Variants in C10orf90 observed in about 807,000 individuals in gnomAD.
C10orf90 encodes the protein chromosome 10 open reading frame 90.
Under a neutral mutation model 62.5 loss-of-function variants are expected in C10orf90, and 56 were observed. That is an observed-to-expected ratio of 0.90 (90% confidence interval 0.72 to 1.12). The LOEUF (loss-of-function observed/expected upper bound fraction) is 1.12, where lower values mean the gene tolerates loss of function less well. C10orf90 is among the 50% of genes most tolerant of loss of function. C10orf90 has a pLI of 0.00. For missense variants in C10orf90, 970 were observed against 880.4 expected (o/e 1.10, Z -1.29); for synonymous variants, 386 against 340.4 (o/e 1.13, Z -1.47).
At chr10:126,482,528 C>A (rs1426946082) in intron 4 of C10orf90, among the ~76,000 whole-genome samples, 2 of 152,178 alleles carry the variant, frequency 1.3e-5, no homozygotes, top group Non-Finnish European at 2.9e-5. Context: ...CACAGGTGAG[C>A]AGGAAATTAG....
In C10orf90 at chr10:126,663,325, CAGG is replaced by C. The variant is rs369435809; in HGVS notation, c.240+6913_240+6915del. Among the ~76,000 whole-genome samples, 297 of 152,268 alleles carry C rather than the reference CAGG, an allele frequency of 2.0e-3. 2 individuals are homozygous for C. The highest frequency in any genetic ancestry group is 6.2e-3 in the African/African-American group (259 of 41,544). ...CTCCCTGGGTTCTAGCTGTTGTTGTCAGGAGATGTGCTGCCCCCGACCCAGCAC... is the reference window on the plus strand; with the variant it reads ...CTCCCTGGGTTCTAGCTGTTGTTGTCAGATGTGCTGCCCCCGACCCAGCAC... On this transcript the variant is annotated intron_variant, in intron 1 of 9. Coordinates refer to ENST00000488181, the MANE Select transcript of C10orf90 (RefSeq NM_001350921.2).
At chr10:126,532,055 G>A (rs1200650092) in intron 2 of C10orf90, among the ~76,000 whole-genome samples, 1 of 152,186 alleles carries the variant, frequency 6.6e-6, no homozygotes, top group Non-Finnish European at 1.5e-5. Flanking sequence ...AACTTAGGCA[G>A]TTGCCCCCCA....
At chr10:126,567,166 T>C (rs1844410670) in intron 2 of C10orf90, among the ~76,000 whole-genome samples, 2 of 152,206 alleles carry the variant, frequency 1.3e-5, no homozygotes, top group East Asian at 1.9e-4. Context: ...TACATAAGAC[T>C]GGGTAAATTG....
intron 1 of C10orf90, among the ~76,000 whole-genome samples, chr10:126,653,967 A>T (rs1040896155): frequency 1.3e-5 from 2 of 152,122 alleles, no homozygotes; most frequent in African/African-American, 4.8e-5. Flanking sequence ...TTTTGAAAGG[A>T]ATCTTTTTTT....
At chr10:126,448,446 C>T (rs1276818056) in intron 7 of C10orf90, among the ~76,000 whole-genome samples, 1 of 152,000 alleles carries the variant, frequency 6.6e-6, no homozygotes, top group Non-Finnish European at 1.5e-5. Flanking sequence ...CTCAAACAAC[C>T]TACTGCTACA....
At chr10:126,621,147 G>T (rs565454180) in intron 2 of C10orf90, among the ~76,000 whole-genome samples, 1 of 152,206 alleles carries the variant, frequency 6.6e-6, no homozygotes, top group Non-Finnish European at 1.5e-5. Flanking sequence ...GTATATAGTT[G>T]TTTTGCCTCT....
intron 2 of C10orf90, among the ~76,000 whole-genome samples, chr10:126,611,336 C>A (rs1364536373): frequency 6.6e-6 from 1 of 152,150 alleles, no homozygotes; most frequent in Non-Finnish European, 1.5e-5. Flanking sequence ...GACTTCATTC[C>A]TTTTTATTGC....
chr10:126,546,769 A>C (rs2133972917), intron 2 of C10orf90, among the ~76,000 whole-genome samples: 1 of 152,320 alleles, frequency 6.6e-6, no homozygotes, highest in Admixed American at 6.5e-5. Flanking sequence ...AAGCCAATTA[A>C]AATAGAAGAT....
chr10:126,504,867 T>G lies in C10orf90; in HGVS notation c.624A>C (p.Ala208=). The change falls in exon 4 of 10, where the codon GCA becomes GCC. Residue 208 remains alanine, a synonymous_variant. Transcript: ENST00000488181. This position sits in a 1 kb window ranked among gnomAD's most constrained non-coding sequence, Gnocchi z 4.1. ...CCTCAGGTCCTCGCTCATCTGACGG[T>G]GCCGGGATTCCTAATCTGCCCGGAA... ...ALLPGRLGIP[A]PSDERGPEAE... is the part of the protein sequence containing the mutation. 6.2e-7 allele frequency: 1 copy of G among 1,613,552 alleles called. No homozygotes were observed. Among genetic ancestry groups the G allele is most frequent in the Non-Finnish European group, 8.5e-7 (1 of 1,179,626 alleles).
intron 1 of C10orf90, among the ~76,000 whole-genome samples, chr10:126,667,925 C>T (rs1846665183): frequency 6.6e-6 from 1 of 152,114 alleles, no homozygotes. Flanking sequence ...ACCTTCAGCA[C>T]CCCTCACCAC....
intron 7 of C10orf90, among the ~76,000 whole-genome samples, chr10:126,457,100 C>T (rs1038241648): frequency 6.6e-6 from 1 of 152,178 alleles, no homozygotes; most frequent in Admixed American, 6.5e-5. Flanking sequence ...GTGATCCTTG[C>T]ACCTCAGCCT....
At chr10:126,566,753 C>T (rs1448832186) in intron 2 of C10orf90, among the ~76,000 whole-genome samples, 1 of 152,090 alleles carries the variant, frequency 6.6e-6, no homozygotes, top group African/African-American at 2.4e-5. Context: ...AGCACTTTTG[C>T]TTTTGAGTGG....
chr10:126,469,481 G>A (rs1476999890), intron 4 of C10orf90, among the ~76,000 whole-genome samples: 3 of 152,112 alleles, frequency 2.0e-5, no homozygotes, highest in Non-Finnish European at 2.9e-5. Flanking sequence ...TGTTCTGGGC[G>A]GTGACGTTTT....
At chr10:126,439,015 A>G (rs1006005805) in intron 7 of C10orf90, among the ~76,000 whole-genome samples, 7 of 151,968 alleles carry the variant, frequency 4.6e-5, no homozygotes, top group Non-Finnish European at 7.4e-5. Context: ...TACATCGTAC[A>G]CCAATGTCAA....
chr10:126,487,121 G>T (rs1234326710), intron 4 of C10orf90, among the ~76,000 whole-genome samples: 1 of 97,758 alleles, frequency 1.0e-5, no homozygotes, highest in African/African-American at 4.4e-5. Flanking sequence ...TCCAGCCTGG[G>T]CAACAACAGT....
chr10:126,444,072 A>T (rs1365748878), intron 7 of C10orf90, among the ~76,000 whole-genome samples: 1 of 152,138 alleles, frequency 6.6e-6, no homozygotes, highest in Non-Finnish European at 1.5e-5. Context: ...CAAAATACTG[A>T]ATGGGGAAAA....
intron 5 of C10orf90, 80 bp downstream of exon 5, chr10:126,464,616 A>G (rs1860173826): frequency 7.1e-7 from 1 of 1,402,438 alleles, no homozygotes; most frequent in Non-Finnish European, 9.8e-7. Flanking sequence ...GACAGTATGC[A>G]CGAGGTCCAG....
chr10:126,521,332 G>T, intron 2 of C10orf90: 1 of 1,614,060 alleles, frequency 6.2e-7, no homozygotes, highest in East Asian at 2.2e-5. Context: ...TTCTACTGAG[G>T]TTTCAAAGCC....
intron 2 of C10orf90, among the ~76,000 whole-genome samples, chr10:126,610,079 G>T (rs1845400563): frequency 6.6e-6 from 1 of 152,136 alleles, no homozygotes; most frequent in Non-Finnish European, 1.5e-5. Context: ...CTGTGCCCTT[G>T]GACCCCTGTT....
Sources: allele counts gnomAD v4.1 joint callset (sites outside exome capture counted in the v4.1 genomes callset), GRCh38; gene constraint gnomAD v4.1.1; non-coding constraint Gnocchi (gnomAD v3.1); transcripts MANE v1.5; gene names NCBI Gene and HGNC (gene_info 2026-07-23, HGNC 2026-07-21).